Variants in SIPA1L3 observed in about 807,000 individuals in gnomAD.
The protein encoded by SIPA1L3 is signal-induced proliferation-associated 1-like protein 3.
A neutral mutation model predicts 150.1 loss-of-function variants in SIPA1L3; 59 were observed. That is an observed-to-expected ratio of 0.39 (90% CI 0.32 to 0.49). The LOEUF (loss-of-function observed/expected upper bound fraction) is 0.49, where lower values mean the gene tolerates loss of function less well. Ranked by LOEUF, SIPA1L3 falls within the 20% of genes least tolerant of loss-of-function variation. The pLI is 0.86. For missense variants in SIPA1L3, 2,211 were observed against 2,489.5 expected (o/e 0.89, Z 2.38); for synonymous variants, 1,070 against 1,077.6 (o/e 0.99, Z 0.14).
In SIPA1L3 at chr19:38,141,312, A is replaced by C. The variant is rs1253003045; in HGVS notation, c.3272A>C (p.Asn1091Thr). 6.2e-7 allele frequency: 1 copy of C among 1,612,908 alleles called. No individual in the cohort carries two copies. Among genetic ancestry groups the C allele is most frequent in the African/African-American group, 1.3e-5 (1 of 74,616 alleles). Residue 1091 changes from asparagine to threonine, a missense_variant, in exon 11 of 22, where the codon AAC becomes ACC. By Grantham distance (65) the Asn-to-Thr change is moderately conservative. Transcript: ENST00000222345. ...CAGTGGAGCGGGCCCGCATCCCATAACTCTCTACCAGCCTCCAAGTGGGCC... is the reference window on the plus strand; with the variant it reads ...CAGTGGAGCGGGCCCGCATCCCATACCTCTCTACCAGCCTCCAAGTGGGCC... The part of the protein sequence containing the change: ...PWQWSGPASH[N>T]SLPASKWATP...
rs1265263332 is a variant in SIPA1L3, at chr19:38,198,375, C to T, written c.4841-14C>T. On this transcript the variant is annotated splice_polypyrimidine_tract_variant and intron_variant, in intron 18 of 21. Transcript: ENST00000222345. ...TCACACTCAACCACTGCCATCTCCA[C>T]CCTCCCCATCCAGCCACCATCTCAG... The T allele has an allele frequency of 1.3e-6, 2 of 1,525,802 alleles. No individual in the cohort carries two copies. The highest frequency in any genetic ancestry group is 1.8e-6 in the Non-Finnish European group (2 of 1,138,172). 94.5% of individuals were successfully genotyped at this position (1,525,802 alleles called of 1,614,324 possible). A position where few individuals can be genotyped will look rare whatever the true frequency, so the allele number is the denominator to read the frequency against.
chr19:37,909,856 A>G (rs1341082410), intron 1 of SIPA1L3, among the ~76,000 whole-genome samples: 17 of 152,186 alleles, frequency 1.1e-4, no homozygotes, highest in Non-Finnish European at 1.5e-5. Context: ...GTTTATTGTC[A>G]GAAACCTGTC....
chr19:38,052,135 A>G (rs1342061088), intron 2 of SIPA1L3, among the ~76,000 whole-genome samples: 1 of 152,148 alleles, frequency 6.6e-6, no homozygotes, highest in East Asian at 1.9e-4. Flanking sequence ...AGAGAGGAGG[A>G]CATTTCTATA....
At chr19:37,925,384 G>A (rs1346187403) in intron 1 of SIPA1L3, among the ~76,000 whole-genome samples, 2 of 152,130 alleles carry the variant, frequency 1.3e-5, no homozygotes, top group South Asian at 2.1e-4. Flanking sequence ...TGAAGGAGGT[G>A]AGGGAGTGGG....
In SIPA1L3 at chr19:38,118,777, G is replaced by GCCCGCCTCAGCCT. The variant is rs540722132; in HGVS notation, c.2292-525_2292-513dup. Among the ~76,000 whole-genome samples the GCCCGCCTCAGCCT allele has an allele frequency of 1.9e-3, 287 of 152,120 alleles. 3 individuals are homozygous for GCCCGCCTCAGCCT. Among genetic ancestry groups the GCCCGCCTCAGCCT allele is most frequent in the African/African-American group, 6.7e-3 (278 of 41,512 alleles). ...TCGAACTCCTGACCTCAGGTGATCT[G>GCCCGCCTCAGCCT]CCCGCCTCAGCCTCCCAAAGTGCTG... On this transcript the variant is annotated intron_variant, in intron 8 of 21. Coordinates refer to ENST00000222345, the MANE Select transcript of SIPA1L3 (RefSeq NM_015073.3).
intron 13 of SIPA1L3, among the ~76,000 whole-genome samples, chr19:38,157,657 G>A (rs1233838027): frequency 6.6e-6 from 1 of 152,184 alleles, no homozygotes; most frequent in African/African-American, 2.4e-5. Context: ...TTTGGGGTAG[G>A]AAGGCCAGCA....
At chr19:38,153,017 G>A in intron 13 of SIPA1L3, 50 bp downstream of exon 13, 1 of 1,586,858 alleles carries the variant, frequency 6.3e-7, no homozygotes, top group Non-Finnish European at 8.6e-7. Flanking sequence ...CACTCCGCAG[G>A]ACCTCTTACT....
chr19:38,005,881 C>T (rs754308854), intron 1 of SIPA1L3, among the ~76,000 whole-genome samples: 16 of 152,152 alleles, frequency 1.1e-4, no homozygotes, highest in Non-Finnish European at 2.1e-4. Flanking sequence ...AACCCCATCT[C>T]TACAAACAAT....
intron 17 of SIPA1L3, 85 bp downstream of exon 17, chr19:38,192,395 C>T: frequency 7.7e-7 from 1 of 1,296,446 alleles, no homozygotes; most frequent in Non-Finnish European, 1.0e-6. Context: ...GGGCTGTGCT[C>T]CCCACGGTCA....
chr19:37,915,520 T>TA (rs1270221138), intron 1 of SIPA1L3, among the ~76,000 whole-genome samples: 1 of 151,948 alleles, frequency 6.6e-6, no homozygotes, highest in Non-Finnish European at 1.5e-5. Flanking sequence ...TACCTGGAGT[T>TA]ACAGGCGCCC....
chr19:38,066,440 A>C (rs547080626), intron 2 of SIPA1L3, among the ~76,000 whole-genome samples: 1 of 152,346 alleles, frequency 6.6e-6, no homozygotes, highest in South Asian at 2.1e-4. Flanking sequence ...ACAGCAATGT[A>C]AAACAGTCAA....
chr19:38,067,163 C>G (rs912656873), intron 2 of SIPA1L3, among the ~76,000 whole-genome samples: 1 of 151,288 alleles, frequency 6.6e-6, no homozygotes, highest in Non-Finnish European at 1.5e-5. Flanking sequence ...CACTTGAGCC[C>G]AGGAGGTTGA....
At chr19:38,070,933 A>C (rs1969700262) in intron 2 of SIPA1L3, among the ~76,000 whole-genome samples, 1 of 152,142 alleles carries the variant, frequency 6.6e-6, no homozygotes, top group Non-Finnish European at 1.5e-5. Context: ...TGAAAGGGAG[A>C]TGCTTGGAGC....
In SIPA1L3 at chr19:38,046,637, A is replaced by G. The variant is rs373886806; in HGVS notation, c.-311+17481A>G. Among the ~76,000 whole-genome samples, 4 of 152,148 alleles carry G rather than the reference A, an allele frequency of 2.6e-5. No individual in the cohort carries two copies. Among genetic ancestry groups the G allele is most frequent in the African/African-American group, 9.7e-5 (4 of 41,434 alleles). On this transcript the variant is annotated intron_variant, in intron 2 of 21. Transcript: ENST00000222345. This position sits in a 1 kb window ranked among gnomAD's most constrained non-coding sequence, Gnocchi z 5.6. ...CCACAACCCCCCAGCAAGAGCCCAC[A>G]TGAATCCGCCATCTCGCCCGCAGCC...
intron 18 of SIPA1L3, among the ~76,000 whole-genome samples, chr19:38,196,313 G>A (rs1972931754): frequency 6.6e-6 from 1 of 152,238 alleles, no homozygotes; most frequent in Non-Finnish European, 1.5e-5. Flanking sequence ...GGAGGCCAGG[G>A]GAAGAGCAAG....
At chr19:38,101,311 C>T (rs1028329201) in intron 6 of SIPA1L3, 85 bp downstream of exon 6, 12 of 988,444 alleles carry the variant, frequency 1.2e-5, no homozygotes, top group Middle Eastern at 2.9e-4. Flanking sequence ...GGGGATGCCA[C>T]GGTGGGGACG....
At chr19:38,007,328 C>T (rs1165541453) in intron 1 of SIPA1L3, among the ~76,000 whole-genome samples, 1 of 151,926 alleles carries the variant, frequency 6.6e-6, no homozygotes, top group Non-Finnish European at 1.5e-5. Flanking sequence ...TGGCACGCAC[C>T]TGTAATCCCA....
At chr19:37,912,895 C>T (rs745759983) in intron 1 of SIPA1L3, among the ~76,000 whole-genome samples, 19 of 152,124 alleles carry the variant, frequency 1.2e-4, no homozygotes, top group Non-Finnish European at 1.8e-4. Flanking sequence ...ATCCAGCTGC[C>T]GCTGAAAGAA....
Position 38,122,859 on chromosome 19 carries a change from C to T in SIPA1L3, c.2868+2977C>T, listed in dbSNP as rs562826762. Among the ~76,000 whole-genome samples the T allele has an allele frequency of 1.7e-3, 266 of 152,298 alleles. 1 individual carries two copies. The highest frequency in any genetic ancestry group is 3.3e-3 in the Non-Finnish European group (223 of 68,026). On this transcript the variant is annotated intron_variant, in intron 9 of 21. Coordinates refer to ENST00000222345, the MANE Select transcript of SIPA1L3 (RefSeq NM_015073.3). Reference sequence around the variant, plus strand: ...CTCCTACAGGCCTTTGGTCACATGTCGCCTTGTCGGTGAGGCCTCGTTATC... The same window carrying T: ...CTCCTACAGGCCTTTGGTCACATGTTGCCTTGTCGGTGAGGCCTCGTTATC...
Sources: gnomAD v4.1 joint callset for allele counts (sites outside exome capture counted in the v4.1 genomes callset) on GRCh38, gnomAD v4.1.1 for gene constraint, Gnocchi (gnomAD v3.1) non-coding constraint, MANE v1.5 for transcripts, NCBI Gene and HGNC (gene_info 2026-07-23, HGNC 2026-07-21) for gene names.